Variants in DCHS2 observed in about 807,000 individuals in gnomAD.
DCHS2 encodes dachsous cadherin-related 2.
Under a neutral mutation model 182.4 loss-of-function variants are expected in DCHS2, and 142 were observed. The observed-to-expected ratio is 0.78, with a 90% CI of 0.68 to 0.89. DCHS2 has a LOEUF of 0.89. Ranked by LOEUF, DCHS2 falls within the 40% of genes least tolerant of loss-of-function variation. DCHS2 has a pLI of 0.00. For missense variants in DCHS2, 4,319 were observed against 4,198.6 expected (o/e 1.03, Z -0.79); for synonymous variants, 1,740 against 1,663.3 (o/e 1.05, Z -1.12).
chr4:154,332,968 T>A lies in DCHS2; in HGVS notation c.3240A>T (p.Pro1080=), dbSNP rs752478690. ...AGACCAAATGTTCGAAAGTCCAGGA[T>A]GGGCTGTGTTCGCGTTTCTCGATAA... ...TVVIEKREHS[P]SWTFEHLVYQ... is the part of the protein sequence containing the mutation. Residue 1080 remains proline, a synonymous_variant, in exon 5 of 20, where the codon CCA becomes CCT. Transcript: ENST00000357232. 6.2e-7 allele frequency: 1 copy of A among 1,614,174 alleles called. No homozygotes were observed. The highest frequency in any genetic ancestry group is 2.2e-5 in the East Asian group (1 of 44,860).
intron 1 of DCHS2, among the ~76,000 whole-genome samples, chr4:154,390,601 T>C (rs1391479032): frequency 6.6e-6 from 1 of 152,110 alleles, no homozygotes; most frequent in Non-Finnish European, 1.5e-5. Flanking sequence ...AAACAAGTTA[T>C]GACGCCTACT....
chr4:154,266,738 C>A (rs1282059953), intron 14 of DCHS2, among the ~76,000 whole-genome samples: 1 of 151,682 alleles, frequency 6.6e-6, no homozygotes, highest in South Asian at 2.1e-4. Flanking sequence ...ATATGGGTGA[C>A]TTCAATGCTG....
chr4:154,419,548 G>A (rs891009743), intron 1 of DCHS2, among the ~76,000 whole-genome samples: 1 of 151,100 alleles, frequency 6.6e-6, no homozygotes, highest in Middle Eastern at 3.4e-3. Context: ...CTACTTGGGA[G>A]GCTGAGGCAG....
intron 1 of DCHS2, among the ~76,000 whole-genome samples, chr4:154,450,074 A>G (rs998913395): frequency 1.3e-5 from 2 of 152,212 alleles, no homozygotes; most frequent in Admixed American, 1.3e-4. Context: ...TATACTCCTC[A>G]TGGGCTGAAC....
At chr4:154,389,193 A>G (rs970268345) in intron 1 of DCHS2, among the ~76,000 whole-genome samples, 7 of 152,190 alleles carry the variant, frequency 4.6e-5, no homozygotes, top group South Asian at 2.1e-4. Context: ...TTCAATTGTC[A>G]TGAAATATTA....
At chr4:154,282,409 C>T (rs1041067632) in intron 13 of DCHS2, among the ~76,000 whole-genome samples, 10 of 151,672 alleles carry the variant, frequency 6.6e-5, no homozygotes, top group South Asian at 4.1e-4. Flanking sequence ...GATATCCAAA[C>T]GGTCAATATC....
chr4:154,319,460 A>T lies in DCHS2; in HGVS notation c.5020+919T>A, dbSNP rs574950299. 2.3e-4 allele frequency among the ~76,000 whole-genome samples: 35 copies of T among 151,958 alleles called. 1 individual carries two copies. The highest frequency in any genetic ancestry group is 6.8e-3 in the Middle Eastern group (2 of 294). On this transcript the variant is annotated intron_variant, in intron 9 of 19. Coordinates refer to ENST00000357232, the MANE Select transcript of DCHS2 (RefSeq NM_001358235.2). ...AGGGGTTAATATCCAGAATATATATAAAAAAACTCCTACAACTAAACATAA... is the reference window on the plus strand; with the variant it reads ...AGGGGTTAATATCCAGAATATATATTAAAAAACTCCTACAACTAAACATAA...
In DCHS2 at chr4:154,491,621, T is replaced by C. The variant is rs1250454184; in HGVS notation, c.-266A>G. ...CTGCCCCTGGATTTCTTTAAACGAA[T>C]CTCATCTCTTTTTCTCTCTCCTTTT... On this transcript the variant is annotated 5_prime_UTR_variant, in exon 1 of 20. Coordinates refer to ENST00000357232, the MANE Select transcript of DCHS2 (RefSeq NM_001358235.2). The C allele has an allele frequency of 7.6e-7, 1 of 1,318,334 alleles. No homozygotes were observed. The highest frequency in any genetic ancestry group is 3.0e-5 in the East Asian group (1 of 33,646). 81.7% of individuals were successfully genotyped at this position (1,318,334 alleles called of 1,614,324 possible).
At chr4:154,281,683 AAAAT>A (rs1392143790) in intron 13 of DCHS2, among the ~76,000 whole-genome samples, 1 of 152,156 alleles carries the variant, frequency 6.6e-6, no homozygotes, top group Non-Finnish European at 1.5e-5. Context: ...AAGCTACCCT[AAAAT>A]AAATATGGAA....
At chr4:154,401,772 C>A (rs1199747662) in intron 1 of DCHS2, among the ~76,000 whole-genome samples, 1 of 152,196 alleles carries the variant, frequency 6.6e-6, no homozygotes, top group East Asian at 1.9e-4. Context: ...GCGGGTGGAT[C>A]ACTTGAGGTC....
In DCHS2 at chr4:154,490,598, C is replaced by A. The variant is rs750740181; in HGVS notation, c.758G>T (p.Arg253Leu). Residue 253 changes from arginine to leucine, a missense_variant, in exon 1 of 20, where the codon CGC becomes CTC. Coordinates refer to ENST00000357232, the MANE Select transcript of DCHS2 (RefSeq NM_001358235.2). ...CGCCGCCGCCTCCTCTCGGTCCAAG[C>A]GCCGCAGCAGCACCAGATCTAGAGG... is the stretch of plus-strand genomic sequence containing the variant. ...LEPLDLVLLRRLDREEAAAHR... is the reference protein window; with the variant it reads ...LEPLDLVLLRLLDREEAAAHR... 2 of 1,547,124 alleles carry A rather than the reference C, an allele frequency of 1.3e-6. No homozygotes were observed. Among genetic ancestry groups the A allele is most frequent in the South Asian group, 2.4e-5 (2 of 83,982 alleles).
chr4:154,420,363 C>T (rs1374865618), intron 1 of DCHS2, among the ~76,000 whole-genome samples: 1 of 152,108 alleles, frequency 6.6e-6, no homozygotes, highest in African/African-American at 2.4e-5. Flanking sequence ...GGAATTGGCT[C>T]ACACAGTTAT....
intron 1 of DCHS2, among the ~76,000 whole-genome samples, chr4:154,438,155 C>CA (rs1378255415): frequency 6.6e-6 from 1 of 152,192 alleles, no homozygotes; most frequent in Non-Finnish European, 1.5e-5. Context: ...TAAACCTAAT[C>CA]AAATGGTCAT....
intron 13 of DCHS2, among the ~76,000 whole-genome samples, chr4:154,277,450 T>C (rs763663576): frequency 1.3e-5 from 2 of 152,030 alleles, no homozygotes; most frequent in Non-Finnish European, 2.9e-5. Flanking sequence ...AGAAAGAAAC[T>C]GGCAAACCTC....
chr4:154,314,289 G>T, intron 10 of DCHS2, among the ~76,000 whole-genome samples: 1 of 152,126 alleles, frequency 6.6e-6, no homozygotes, highest in African/African-American at 2.4e-5. Context: ...CACTCTAAGA[G>T]AACTTTACTG....
intron 2 of DCHS2, among the ~76,000 whole-genome samples, chr4:154,376,216 C>T (rs142112070): frequency 6.6e-6 from 1 of 151,986 alleles, no homozygotes; most frequent in African/African-American, 2.4e-5. Flanking sequence ...ATTATTTGTG[C>T]ATTTCTCTGT....
chr4:154,421,501 T>G (rs1560748694), intron 1 of DCHS2, among the ~76,000 whole-genome samples: 1 of 152,252 alleles, frequency 6.6e-6, no homozygotes, highest in East Asian at 1.9e-4. Flanking sequence ...TTTAAGCGAT[T>G]CTCCTGCCTC....
At position 154,298,731 on chromosome 4, in the gene DCHS2, A is replaced by G. The variant is rs570487797; in HGVS notation, c.5606-23T>C. On this transcript the variant is annotated intron_variant, in intron 12 of 19. Coordinates refer to ENST00000357232, the MANE Select transcript of DCHS2 (RefSeq NM_001358235.2). ...CATCTATTAAAGAAAACAATTACAA[A>G]TTCATTTGAATTGAAAAAGTAGCAG... 29 of 1,529,562 alleles carry G rather than the reference A, an allele frequency of 1.9e-5. No homozygotes were observed. The South Asian group carries it at 2.9e-4, about 15-fold the overall frequency. The allele number at this position is 1,529,562 out of a possible 1,614,324, so 94.7% of individuals were successfully genotyped here. A position where few individuals can be genotyped will look rare whatever the true frequency, so the allele number is the denominator to read the frequency against.
chr4:154,261,789 A>G (rs1732998008), intron 14 of DCHS2: 1 of 152,232 alleles, frequency 6.6e-6, no homozygotes, highest in Non-Finnish European at 1.5e-5. Flanking sequence ...TAGTACTAGA[A>G]CCAAATTACT....
Sources: gnomAD v4.1 joint callset for allele counts (sites outside exome capture counted in the v4.1 genomes callset) on GRCh38, gnomAD v4.1.1 for gene constraint, MANE v1.5 for transcripts, NCBI Gene and HGNC (gene_info 2026-07-23, HGNC 2026-07-21) for gene names.